The following GPR160 variants were observed in gnomAD, a reference collection of about 807,000 sequenced individuals.
GPR160 encodes the protein probable G protein-coupled receptor 160.
Under a neutral mutation model 2.6 loss-of-function variants are expected in GPR160, and 2 were observed. The ratio of observed to expected loss-of-function variants is 0.77; its 90% CI spans 0.32 to 2.44. The LOEUF (loss-of-function observed/expected upper bound fraction) is 2.44. GPR160 is among the 30% of genes most tolerant of loss of function. The pLI is 0.11. For missense variants in GPR160, 351 were observed against 383.6 expected (o/e 0.91, Z 0.71); for synonymous variants, 130 against 132.2 (o/e 0.98, Z 0.12).
chr3:170,073,881 A>ATTTT (rs35575462), intron 2 of GPR160, among the ~76,000 whole-genome samples: 27 of 81,878 alleles, frequency 3.3e-4, no homozygotes, highest in African/African-American at 5.2e-4. Context: ...TTTAATAGGG[A>ATTTT]TTTTTTTTTT....
At position 170,053,962 on chromosome 3, in the gene GPR160, T is replaced by G. The variant is rs118146360; in HGVS notation, c.-193+14919T>G. 3.5e-3 allele frequency among the ~76,000 whole-genome samples: 530 copies of G among 150,214 alleles called. 13 individuals are homozygous for G. The East Asian group carries it at 0.088, about 25-fold the overall frequency. On this transcript the variant is annotated intron_variant, in intron 2 of 3. Coordinates refer to ENST00000355897, the MANE Select transcript of GPR160 (RefSeq NM_014373.3). The stretch of plus-strand genomic sequence containing the variant: ...ACAGTTACCCATTTTGGTTTTTTGT[T>G]TTTTTTTTTAATTACTCAGCTTTAA...
rs776896213 is a variant in GPR160, at chr3:170,084,600, G to A, written c.628G>A (p.Ala210Thr). The A allele has an allele frequency of 1.2e-6, 2 of 1,612,914 alleles. No homozygotes were observed. Among genetic ancestry groups the A allele is most frequent in the South Asian group, 1.1e-5 (1 of 91,060 alleles). ...CWEEVTTLVQ[A>T]IRITSYMNET... ...GGAAGAAGTTACTACTTTGGTACAG[G>A]CTATCAGGATAACTTCCTATATGAA... The change falls in exon 4 of 4, where the codon GCT becomes ACT. Residue 210 changes from alanine (A) to threonine (T), a missense_variant. Coordinates refer to ENST00000355897, the MANE Select transcript of GPR160 (RefSeq NM_014373.3).
intron 2 of GPR160, among the ~76,000 whole-genome samples, chr3:170,044,304 A>C (rs1716597749): frequency 8.3e-6 from 1 of 121,204 alleles, no homozygotes; most frequent in African/African-American, 3.2e-5. Flanking sequence ...AGCCTGGGGA[A>C]GAAGAGCGAA....
chr3:170,085,170 CAAAAT>C lies in GPR160; in HGVS notation c.*184_*188del, dbSNP rs1414149423. ...ATTAAATAGTGTTTTATTTTAAAAA[CAAAAT>C]AATTCCAAGAAGTTTTTATAGTTAT... On this transcript the variant is annotated 3_prime_UTR_variant, in exon 4 of 4. Coordinates refer to ENST00000355897, the MANE Select transcript of GPR160 (RefSeq NM_014373.3). 1 of 400,146 alleles carries C rather than the reference CAAAAT, an allele frequency of 2.5e-6. No homozygotes were observed. The highest frequency in any genetic ancestry group is 2.1e-5 in the African/African-American group (1 of 48,012). 24.8% of individuals were successfully genotyped at this position (400,146 alleles called of 1,614,324 possible).
At chr3:170,076,343 G>A (rs1227466913) in intron 2 of GPR160, among the ~76,000 whole-genome samples, 1 of 152,084 alleles carries the variant, frequency 6.6e-6, no homozygotes, top group Non-Finnish European at 1.5e-5. Flanking sequence ...CATTATCAGA[G>A]TTGAGTGACT....
At chr3:170,059,939 A>G (rs527999540) in intron 2 of GPR160, among the ~76,000 whole-genome samples, 68 of 152,194 alleles carry the variant, frequency 4.5e-4, no homozygotes, top group African/African-American at 1.6e-3. Flanking sequence ...TCAAGTATGT[A>G]TTTCACTATT....
chr3:170,060,183 T>C (rs1234861471), intron 2 of GPR160, among the ~76,000 whole-genome samples: 2 of 152,106 alleles, frequency 1.3e-5, no homozygotes, highest in African/African-American at 4.8e-5. Context: ...ACAAGATGAT[T>C]TGGAAAATTT....
chr3:170,063,187 T>A (rs1320530655), intron 2 of GPR160: 1 of 153,772 alleles, frequency 6.5e-6, no homozygotes, highest in Non-Finnish European at 1.4e-5. Context: ...TGCCTTTTTT[T>A]TTTTTTTTAA....
At chr3:170,045,169 C>T (rs1330857351) in intron 2 of GPR160, among the ~76,000 whole-genome samples, 2 of 151,850 alleles carry the variant, frequency 1.3e-5, no homozygotes, top group East Asian at 3.9e-4. Context: ...ATGTCAGGTG[C>T]TGTTGTGGGC....
intron 2 of GPR160, chr3:170,057,874 A>C (rs1711723867): frequency 6.6e-6 from 1 of 152,266 alleles, no homozygotes; most frequent in South Asian, 2.1e-4. Context: ...AGAGGAGGGA[A>C]AGATACAGCA....
In GPR160 at chr3:170,040,463, G is replaced by A. The variant is rs111632002; in HGVS notation, c.-193+1420G>A. 6.2e-3 allele frequency among the ~76,000 whole-genome samples: 945 copies of A among 152,352 alleles called. 4 individuals carry two copies. The highest frequency in any genetic ancestry group is 0.011 in the Non-Finnish European group (717 of 68,032). ...TGGAGGTGCCGATTTATTTTGCTCA[G>A]AAGGCAGAGGGTGTTTGCTGAGTGT... On this transcript the variant is annotated intron_variant, in intron 2 of 3. Transcript: ENST00000355897.
chr3:170,068,625 A>G (rs1362203374), intron 2 of GPR160, among the ~76,000 whole-genome samples: 1 of 152,188 alleles, frequency 6.6e-6, no homozygotes, highest in East Asian at 1.9e-4. Context: ...CTCTCTGTTT[A>G]CCTTACTACT....
At chr3:170,061,867 G>T (rs1299930628) in intron 2 of GPR160, among the ~76,000 whole-genome samples, 1 of 151,830 alleles carries the variant, frequency 6.6e-6, no homozygotes, top group Non-Finnish European at 1.5e-5. Context: ...TAAATTTCAA[G>T]GCCATGCGCA....
chr3:170,064,535 T>TTTTC (rs1219393634), intron 2 of GPR160, among the ~76,000 whole-genome samples: 5 of 128,004 alleles, frequency 3.9e-5, no homozygotes, highest in Admixed American at 9.0e-5. Flanking sequence ...TTTTTTTTTT[T>TTTTC]TGAGGCAGAG....
intron 2 of GPR160, among the ~76,000 whole-genome samples, chr3:170,041,721 A>G (rs1050364418): frequency 6.6e-6 from 1 of 152,208 alleles, no homozygotes; most frequent in Non-Finnish European, 1.5e-5. Flanking sequence ...TGGTTCTTAA[A>G]TGAAGTGAAA....
intron 2 of GPR160, among the ~76,000 whole-genome samples, chr3:170,055,290 T>G (rs978305550): frequency 6.6e-6 from 1 of 152,110 alleles, no homozygotes; most frequent in African/African-American, 2.4e-5. Context: ...GCTGATTGGG[T>G]CCTGACATCA....
chr3:170,047,970 T>C (rs1366822703), intron 2 of GPR160, among the ~76,000 whole-genome samples: 1 of 151,788 alleles, frequency 6.6e-6, no homozygotes, highest in African/African-American at 2.4e-5. Flanking sequence ...CCCGAGTAGC[T>C]GGGATTGCAG....
chr3:170,044,595 G>A (rs1343472114), intron 2 of GPR160, among the ~76,000 whole-genome samples: 1 of 152,140 alleles, frequency 6.6e-6, no homozygotes, highest in African/African-American at 2.4e-5. Flanking sequence ...GTAGGCAGGT[G>A]GGTCTTGTGC....
intron 2 of GPR160, among the ~76,000 whole-genome samples, chr3:170,045,444 A>AAAAAAAAAAAAAAAT (rs1559981285): frequency 7.8e-6 from 1 of 127,952 alleles, no homozygotes; most frequent in Non-Finnish European, 1.6e-5. Flanking sequence ...AAAAAAAAAA[A>AAAAAAAAAAAAAAAT]AAACCAATTA....
Sources: allele counts gnomAD v4.1 joint callset (sites outside exome capture counted in the v4.1 genomes callset), GRCh38; gene constraint gnomAD v4.1.1; transcripts MANE v1.5; gene names NCBI Gene and HGNC (gene_info 2026-07-23, HGNC 2026-07-21).